Variants in EPHA7 observed in about 807,000 individuals in gnomAD.
EPHA7 encodes EPH receptor A7.
A neutral mutation model predicts 112.6 loss-of-function variants in EPHA7; 25 were observed. The ratio of observed to expected loss-of-function variants is 0.22; its 90% CI spans 0.16 to 0.31. EPHA7 has a LOEUF of 0.31. Ranked by LOEUF, EPHA7 falls within the 10% of genes least tolerant of loss-of-function variation. EPHA7 has a pLI of 1.00. For synonymous variants in EPHA7, 437 were observed against 406.5 expected (o/e 1.07, Z -0.90); for missense variants, 962 against 1,212.6 (o/e 0.79, Z 3.07).
chr6:93,370,883 C>A (rs552180247), intron 3 of EPHA7, among the ~76,000 whole-genome samples: 1 of 151,602 alleles, frequency 6.6e-6, no homozygotes, highest in Non-Finnish European at 1.5e-5. Context: ...CGGTGGCTCA[C>A]GCCTGTAATC....
chr6:93,345,535 C>T (rs1272279747), intron 5 of EPHA7, among the ~76,000 whole-genome samples: 2 of 151,714 alleles, frequency 1.3e-5, no homozygotes, highest in Non-Finnish European at 3.0e-5. Flanking sequence ...GCAATTATCT[C>T]TCCCTTTGTG....
At chr6:93,273,556 G>C (rs904341868) in intron 5 of EPHA7, among the ~76,000 whole-genome samples, 1 of 151,940 alleles carries the variant, frequency 6.6e-6, no homozygotes, top group South Asian at 2.1e-4. Flanking sequence ...CTGGCTTGGC[G>C]ATTTTGAAGG....
chr6:93,249,624 C>T (rs1770116603), intron 14 of EPHA7, among the ~76,000 whole-genome samples: 1 of 152,070 alleles, frequency 6.6e-6, no homozygotes, highest in Non-Finnish European at 1.5e-5. Context: ...TTCTAATGCT[C>T]ATAACATTAA....
At position 93,383,182 on chromosome 6, in the gene EPHA7, AGT is replaced by A. The variant is rs375791862; in HGVS notation, c.833-24773_833-24772del. Among the ~76,000 whole-genome samples the A allele has an allele frequency of 5.6e-4, 85 of 151,564 alleles. 1 individual carries two copies. The East Asian group carries it at 9.1e-3, about 16-fold the overall frequency. The stretch of plus-strand genomic sequence containing the variant: ...TTTTGTTCCAAGGACATTACACTGT[AGT>A]GTGTGTGTGTGTATATATATACATA... On this transcript the variant is annotated intron_variant, in intron 3 of 16. Coordinates refer to ENST00000369303, the MANE Select transcript of EPHA7 (RefSeq NM_004440.4).
At chr6:93,385,816 G>A (rs1273845624) in intron 3 of EPHA7, among the ~76,000 whole-genome samples, 1 of 152,162 alleles carries the variant, frequency 6.6e-6, no homozygotes, top group South Asian at 2.1e-4. Context: ...AAGGAAAGAG[G>A]TTTAATTGAC....
intron 1 of EPHA7, among the ~76,000 whole-genome samples, chr6:93,418,584 T>A (rs913602428): frequency 3.9e-5 from 6 of 152,196 alleles, no homozygotes; most frequent in African/African-American, 1.4e-4. Flanking sequence ...CAGCGCGCGC[T>A]GAATGGAGAC....
intron 9 of EPHA7, among the ~76,000 whole-genome samples, chr6:93,262,991 A>G (rs892524366): frequency 3.3e-5 from 5 of 151,432 alleles, no homozygotes; most frequent in African/African-American, 9.7e-5. Flanking sequence ...CAATTCTTAC[A>G]TCTTATGTCA....
chr6:93,390,446 G>A (rs1777847454), intron 3 of EPHA7, among the ~76,000 whole-genome samples: 1 of 151,486 alleles, frequency 6.6e-6, no homozygotes, highest in Non-Finnish European at 1.5e-5. Flanking sequence ...TAAATTTCCT[G>A]GATTTTAAAT....
chr6:93,292,371 A>G (rs1056565580), intron 5 of EPHA7, among the ~76,000 whole-genome samples: 2 of 152,226 alleles, frequency 1.3e-5, no homozygotes, highest in African/African-American at 4.8e-5. Context: ...ATTTTACCCT[A>G]GTATTTTAAA....
chr6:93,409,665 T>C (rs545897842), intron 3 of EPHA7: 8 of 151,972 alleles, frequency 5.3e-5, no homozygotes, highest in Admixed American at 3.3e-4. Flanking sequence ...AACATAACTT[T>C]ATAATTTATT....
chr6:93,414,050 T>C (rs1779105310), intron 2 of EPHA7, among the ~76,000 whole-genome samples: 1 of 151,900 alleles, frequency 6.6e-6, no homozygotes, highest in African/African-American at 2.4e-5. Context: ...TGGTTAGTAT[T>C]TTTAAAGATT....
chr6:93,306,001 G>A (rs1373476257), intron 5 of EPHA7, among the ~76,000 whole-genome samples: 2 of 151,704 alleles, frequency 1.3e-5, no homozygotes, highest in African/African-American at 4.8e-5. Context: ...ATTTATTTTG[G>A]TCTAAAAAGC....
At chr6:93,346,164 G>A (rs1452736476) in intron 5 of EPHA7, among the ~76,000 whole-genome samples, 2 of 151,446 alleles carry the variant, frequency 1.3e-5, no homozygotes, top group Non-Finnish European at 3.0e-5. Context: ...AAAATTTATG[G>A]GCCCATGTTT....
intron 7 of EPHA7, among the ~76,000 whole-genome samples, chr6:93,266,556 A>G (rs1770949836): frequency 1.3e-5 from 2 of 151,800 alleles, no homozygotes; most frequent in South Asian, 4.1e-4. Flanking sequence ...GGCTATAAAC[A>G]GAATGTCATG....
At chr6:93,280,660 T>A (rs555443462) in intron 5 of EPHA7, among the ~76,000 whole-genome samples, 2 of 152,260 alleles carry the variant, frequency 1.3e-5, no homozygotes, top group South Asian at 4.2e-4. Context: ...TGTGTGACCT[T>A]GAGCAGAAAA....
intron 2 of EPHA7, among the ~76,000 whole-genome samples, chr6:93,413,777 C>A (rs1779092259): frequency 6.6e-6 from 1 of 151,844 alleles, no homozygotes; most frequent in South Asian, 2.1e-4. Context: ...ACTTTCAGTT[C>A]CTGACATGCT....
chr6:93,369,019 G>A (rs1008198701), intron 3 of EPHA7, among the ~76,000 whole-genome samples: 5 of 152,002 alleles, frequency 3.3e-5, no homozygotes, highest in Non-Finnish European at 5.9e-5. Flanking sequence ...AAATGGATGC[G>A]TCAGGACAAT....
At chr6:93,380,528 G>A (rs1004395108) in intron 3 of EPHA7, among the ~76,000 whole-genome samples, 2 of 152,080 alleles carry the variant, frequency 1.3e-5, no homozygotes, top group African/African-American at 4.8e-5. Flanking sequence ...CCATCAAAAA[G>A]ATGAGAATAT....
At chr6:93,398,567 A>T (rs1778290450) in intron 3 of EPHA7, among the ~76,000 whole-genome samples, 1 of 149,150 alleles carries the variant, frequency 6.7e-6, no homozygotes, top group African/African-American at 2.5e-5. Context: ...TGTCTAAAAC[A>T]CTATAAGAGA....
Sources: gnomAD v4.1 joint callset for allele counts (sites outside exome capture counted in the v4.1 genomes callset) on GRCh38, gnomAD v4.1.1 for gene constraint, MANE v1.5 for transcripts, NCBI Gene and HGNC (gene_info 2026-07-23, HGNC 2026-07-21) for gene names.